TOGARAM2: variants seen among roughly 807,000 people sequenced by gnomAD.
TOGARAM2 encodes TOG array regulator of axonemal microtubules protein 2.
A neutral mutation model predicts 93.3 loss-of-function variants in TOGARAM2; 85 were observed. The ratio of observed to expected loss-of-function variants is 0.91; its 90% CI spans 0.76 to 1.09. TOGARAM2 has a LOEUF of 1.09. Ranked by LOEUF, TOGARAM2 falls within the 50% of genes least tolerant of loss-of-function variation. The probability of loss-of-function intolerance (pLI) is 0.00; values close to 1 mark genes in which losing one functional copy is unlikely to be tolerated. For missense variants in TOGARAM2, 1,277 were observed against 1,334.5 expected (o/e 0.96, Z 0.67); for synonymous variants, 593 against 552.8 (o/e 1.07, Z -1.02).
At chr2:29,033,748 G>A (rs1665922754) in intron 16 of TOGARAM2, among the ~76,000 whole-genome samples, 185 bp downstream of exon 16, 1 of 152,114 alleles carries the variant, frequency 6.6e-6, no homozygotes, top group Non-Finnish European at 1.5e-5. Context: ...CAAATCCCAG[G>A]GAGACCAAAT....
chr2:28,966,863 A>G (rs1274205814), intron 1 of TOGARAM2, among the ~76,000 whole-genome samples: 1 of 152,206 alleles, frequency 6.6e-6, no homozygotes. Flanking sequence ...CCCATTTTTC[A>G]TGTGTATTAT....
intron 1 of TOGARAM2, among the ~76,000 whole-genome samples, chr2:28,985,108 G>A (rs763732850): frequency 1.8e-4 from 27 of 152,098 alleles, no homozygotes; most frequent in Non-Finnish European, 1.0e-4. Context: ...TGGGGCCTTC[G>A]GGAGGTAATT....
At chr2:29,017,725 AAAG>A (rs1203173925) in intron 9 of TOGARAM2, 64 bp from the exon 10 acceptor site, 17 of 1,446,644 alleles carry the variant, frequency 1.2e-5, no homozygotes, top group African/African-American at 1.4e-5. Flanking sequence ...GTCCATTTTC[AAAG>A]GAGGACATTG....
At chr2:28,973,350 C>CCCTT (rs1671974868) in intron 1 of TOGARAM2, among the ~76,000 whole-genome samples, 2 of 127,234 alleles carry the variant, frequency 1.6e-5, no homozygotes, top group Admixed American at 8.3e-5. Flanking sequence ...TCCCTTCCTT[C>CCCTT]CCTTCCTTCT....
intron 5 of TOGARAM2, 130 bp from the exon 6 acceptor site, chr2:29,003,362 C>T: frequency 1.5e-6 from 1 of 688,936 alleles, no homozygotes; most frequent in Non-Finnish European, 2.2e-6. Context: ...AGCAGTCAGG[C>T]TTCTGGGGGT....
intron 19 of TOGARAM2, chr2:29,046,071 G>C (rs1282518601): frequency 6.4e-6 from 1 of 155,984 alleles, no homozygotes; most frequent in African/African-American, 2.4e-5. Context: ...GCAGGCACCA[G>C]CTGGGTTTCA....
intron 19 of TOGARAM2, chr2:29,047,815 C>G (rs1186037145): frequency 6.6e-6 from 1 of 152,036 alleles, no homozygotes; most frequent in Non-Finnish European, 1.5e-5. Flanking sequence ...AGTGTAAACA[C>G]GCCTCACTCT....
chr2:28,993,324 C>T (rs1022264940), intron 1 of TOGARAM2, among the ~76,000 whole-genome samples: 1 of 152,172 alleles, frequency 6.6e-6, no homozygotes, highest in African/African-American at 2.4e-5. Flanking sequence ...CCCCAAATCC[C>T]AGGACCCCAG....
intron 6 of TOGARAM2, among the ~76,000 whole-genome samples, chr2:29,006,939 CT>C (rs966871098): frequency 2.6e-5 from 4 of 152,182 alleles, no homozygotes; most frequent in African/African-American, 9.7e-5. Context: ...TTACTCTTGA[CT>C]TTTTTGCATC....
At chr2:28,976,546 G>C (rs772965130), upstream of TOGARAM2, among the ~76,000 whole-genome samples, 1 of 152,188 alleles carries the variant, frequency 6.6e-6, no homozygotes, top group Non-Finnish European at 1.5e-5. Context: ...TTGTGGAATG[G>C]GGAGAAAGGA....
chr2:28,973,457 T>TCCTTCCTTCCTGCCTG (rs1372399649), intron 1 of TOGARAM2, among the ~76,000 whole-genome samples: 9 of 126,144 alleles, frequency 7.1e-5, no homozygotes, highest in Non-Finnish European at 1.5e-4. Flanking sequence ...CTTCCTTCCT[T>TCCTTCCTTCCTGCCTG]CCTTCCTTCC....
intron 6 of TOGARAM2, among the ~76,000 whole-genome samples, chr2:29,009,935 C>A (rs562805615): frequency 7.2e-4 from 110 of 152,098 alleles, no homozygotes; most frequent in African/African-American, 2.5e-3. Context: ...TGTGGGGTCG[C>A]TAGAGAAGGG....
intron 1 of TOGARAM2, among the ~76,000 whole-genome samples, chr2:28,962,750 TCCCTCCCCTCCCCTTCCCTC>T (rs1558391724): frequency 1.6e-5 from 2 of 127,942 alleles, no homozygotes; most frequent in African/African-American, 6.0e-5. Flanking sequence ...TCCCTTCCCT[TCCCTCCCCTCCCCTTCCCTC>T]CCCTCCCCTT....
intron 10 of TOGARAM2, chr2:29,018,689 C>G (rs1391348715): frequency 6.6e-6 from 1 of 152,140 alleles, no homozygotes; most frequent in East Asian, 1.9e-4. Flanking sequence ...TCAATTGTCT[C>G]AAGTAGAAAG....
intron 2 of TOGARAM2, among the ~76,000 whole-genome samples, chr2:28,996,799 C>CAAAAAAA (rs1170607481): frequency 1.2e-4 from 5 of 40,692 alleles, no homozygotes; most frequent in Admixed American, 3.1e-4. Flanking sequence ...GACTCCATCT[C>CAAAAAAA]AAAAAAAAAA....
chr2:28,998,098 C>T, intron 2 of TOGARAM2, 45 bp from the exon 3 acceptor site: 3 of 1,380,960 alleles, frequency 2.2e-6, no homozygotes, highest in Non-Finnish European at 3.0e-6. Context: ...CAGTCTTGGC[C>T]TTGGAGGACT....
At chr2:28,977,301 A>T (rs549328719), upstream of TOGARAM2, among the ~76,000 whole-genome samples, 2 of 152,230 alleles carry the variant, frequency 1.3e-5, no homozygotes, top group Admixed American at 1.3e-4. Context: ...ATCCTGAGGG[A>T]TGGGTACCTG....
intron 2 of TOGARAM2, 75 bp from the exon 3 acceptor site, chr2:28,998,068 G>A (rs1474718627): frequency 5.8e-6 from 6 of 1,027,700 alleles, no homozygotes; most frequent in South Asian, 1.6e-5. Context: ...GGTTACGGCC[G>A]GGTGTTCTTG....
At chr2:29,038,316 G>A (rs1161124113) in intron 18 of TOGARAM2, among the ~76,000 whole-genome samples, 1 of 152,124 alleles carries the variant, frequency 6.6e-6, no homozygotes, top group South Asian at 2.1e-4. Flanking sequence ...AGAGGCTTTG[G>A]TGCAATGGGA....
Sources: gnomAD v4.1 joint callset for allele counts (sites outside exome capture counted in the v4.1 genomes callset) on GRCh38, gnomAD v4.1.1 for gene constraint, MANE v1.5 for transcripts, NCBI Gene and HGNC (gene_info 2026-07-23, HGNC 2026-07-21) for gene names.